The following SNX16 variants were observed in gnomAD, a reference collection of about 807,000 sequenced individuals.
SNX16 encodes the protein sorting nexin 16, also known as sorting nexin-16.
A neutral mutation model predicts 36.7 loss-of-function variants in SNX16; 35 were observed. The ratio of observed to expected loss-of-function variants is 0.95; its 90% CI spans 0.73 to 1.27. SNX16 has a LOEUF of 1.27. SNX16 is among the 50% of genes most tolerant of loss of function. SNX16 has a pLI of 0.00. For missense variants in SNX16, 367 were observed against 393.6 expected (o/e 0.93, Z 0.57); for synonymous variants, 134 against 132.0 (o/e 1.02, Z -0.10).
At chr8:81,807,823 A>T (rs1387690056) in intron 5 of SNX16, 1 of 756,220 alleles carries the variant, frequency 1.3e-6, no homozygotes, top group African/African-American at 1.7e-5. Flanking sequence ...GAAGCTTTTC[A>T]CTGGAAGGTT....
rs1811672214 is a variant in SNX16 at position 81,840,026 on chromosome 8, T to C, written c.-40A>G. The C allele has an allele frequency of 2.0e-6, 3 of 1,534,750 alleles. No individual in the cohort carries two copies. In the South Asian group the frequency reaches 3.9e-5, roughly 20 times the overall value. ...TCCAACAAGCTTGCACACTGTTGAG[T>C]CCACTTAGAGAACAACTAATATGCA... On this transcript the variant is annotated 5_prime_UTR_variant, in exon 2 of 8. Coordinates refer to ENST00000345957, the MANE Select transcript of SNX16 (RefSeq NM_152836.3).
intron 2 of SNX16, among the ~76,000 whole-genome samples, chr8:81,831,250 C>T (rs1048578728): frequency 3.3e-5 from 5 of 152,112 alleles, no homozygotes; most frequent in Admixed American, 3.3e-4. Flanking sequence ...GCAACAAAAA[C>T]AAAACTTGAT....
chr8:81,830,724 G>A (rs59128379), intron 2 of SNX16, among the ~76,000 whole-genome samples: 90,749 of 151,736 alleles, frequency 0.6, 27,827 homozygotes, highest in East Asian at 0.98. Context: ...TATTCCTATC[G>A]AACTACCAAC....
At position 81,800,002 on chromosome 8, in the gene SNX16, TTTG is replaced by T. The variant is rs1809612675; in HGVS notation, c.*1492_*1494del. On this transcript the variant is annotated 3_prime_UTR_variant, in exon 8 of 8. Coordinates refer to ENST00000345957, the MANE Select transcript of SNX16 (RefSeq NM_152836.3). ...ATGTTCTGAGAACATACCTGTGCAC[TTTG>T]ACAGACTAAAAATTTTTGGTTATTT... is the stretch of plus-strand genomic sequence containing the variant. 1 of 57,366 alleles carries T rather than the reference TTTG, an allele frequency of 1.7e-5. No individual in the cohort carries two copies. Among genetic ancestry groups the T allele is most frequent in the African/African-American group, 1.4e-4 (1 of 7,332 alleles). The allele number at this position is 57,366 out of a possible 1,614,324, so 3.6% of individuals were successfully genotyped here.
intron 2 of SNX16, among the ~76,000 whole-genome samples, chr8:81,834,023 T>C (rs1219652874): frequency 6.6e-6 from 1 of 152,206 alleles, no homozygotes; most frequent in Non-Finnish European, 1.5e-5. Flanking sequence ...TAAAGTACTA[T>C]GAGTGTATTA....
chr8:81,833,625 G>A (rs1563454122), intron 2 of SNX16, among the ~76,000 whole-genome samples: 1 of 151,972 alleles, frequency 6.6e-6, no homozygotes, highest in Non-Finnish European at 1.5e-5. Context: ...TAATAATTAG[G>A]AATATCTACA....
At chr8:81,805,288 A>G (rs1809878963) in intron 5 of SNX16, among the ~76,000 whole-genome samples, 1 of 152,148 alleles carries the variant, frequency 6.6e-6, no homozygotes, top group South Asian at 2.1e-4. Flanking sequence ...AGCAAACAAG[A>G]TAATAGGAAC....
chr8:81,805,969 A>G (rs1809922187), intron 5 of SNX16, among the ~76,000 whole-genome samples: 1 of 152,180 alleles, frequency 6.6e-6, no homozygotes, highest in Non-Finnish European at 1.5e-5. Context: ...AAAATGGTCA[A>G]GTTCTAGAAA....
At position 81,800,853 on chromosome 8, in the gene SNX16, GAATCAGCTTTTAA is replaced by G. The variant is rs1809656057; in HGVS notation, c.*631_*643del. ...CTTATTAAAGTATTTTGATATTAAT[GAATCAGCTTTTAA>G]AATCAAGGCTATCTTATCACTTTAG... On this transcript the variant is annotated 3_prime_UTR_variant, in exon 8 of 8. Transcript: ENST00000345957. 1 of 152,156 alleles carries G rather than the reference GAATCAGCTTTTAA, an allele frequency of 6.6e-6. No individual in the cohort carries two copies. The highest frequency in any genetic ancestry group is 2.1e-4 in the South Asian group (1 of 4,836). 9.4% of individuals were successfully genotyped at this position (152,156 alleles called of 1,614,324 possible). A position where few individuals can be genotyped will look rare whatever the true frequency, so the allele number is the denominator to read the frequency against.
chr8:81,803,046 T>G, intron 6 of SNX16, 46 bp downstream of exon 6: 1 of 1,518,602 alleles, frequency 6.6e-7, no homozygotes, highest in Non-Finnish European at 8.8e-7. Flanking sequence ...CCCAGAGTAT[T>G]AAGGGTTGAA....
chr8:81,817,120 T>C (rs761029195), intron 4 of SNX16, among the ~76,000 whole-genome samples: 1 of 152,140 alleles, frequency 6.6e-6, no homozygotes, highest in African/African-American at 2.4e-5. Context: ...CCTGAGGAAA[T>C]AGCACTTAAG....
intron 4 of SNX16, among the ~76,000 whole-genome samples, chr8:81,817,139 C>T (rs79146611): frequency 0.021 from 3,150 of 152,226 alleles, 105 homozygotes; most frequent in African/African-American, 0.072. Flanking sequence ...AGACTGAAAG[C>T]AAACTGCTAA....
At position 81,803,178 on chromosome 8, in the gene SNX16, T is replaced by A; in HGVS notation, c.732A>T (p.Leu244=). The change falls in exon 6 of 8, where the codon CTA becomes CTT. Residue 244 remains leucine (L), a synonymous_variant. Transcript: ENST00000345957. ...ATTCCATCTCCTTTTGTTTTTCAAG[T>A]AGTTCTTTCTGTAAGCGGTAGTTTG... ...EETNYRLQKE[L]LEKQKEMESL... is the part of the protein sequence containing the mutation. The A allele has an allele frequency of 6.2e-7, 1 of 1,611,992 alleles. No individual in the cohort carries two copies. The highest frequency in any genetic ancestry group is 1.1e-5 in the South Asian group (1 of 90,828).
At chr8:81,821,962 G>A (rs903918742) in intron 4 of SNX16, among the ~76,000 whole-genome samples, 2 of 152,162 alleles carry the variant, frequency 1.3e-5, no homozygotes, top group African/African-American at 4.8e-5. Context: ...GATTCCAAGA[G>A]AGAACTGACC....
At chr8:81,803,327 A>G in intron 5 of SNX16, 99 bp from the exon 6 acceptor site, 1 of 1,187,158 alleles carries the variant, frequency 8.4e-7, no homozygotes, top group Non-Finnish European at 1.2e-6. Context: ...GAAGAGTCAA[A>G]GAACACAGAT....
Position 81,802,502 on chromosome 8 carries a change from A to C in SNX16, c.819-3T>G, listed in dbSNP as rs1445122290. 7 of 1,601,938 alleles carry C rather than the reference A, an allele frequency of 4.4e-6. No individual in the cohort carries two copies. In the Admixed American group the frequency reaches 1.0e-4, roughly 24 times the overall value. On this transcript the variant is annotated splice_polypyrimidine_tract_variant and splice_region_variant and intron_variant, in intron 6 of 7. Coordinates refer to ENST00000345957, the MANE Select transcript of SNX16 (RefSeq NM_152836.3). ...CTTCAGGTTCTAAAGACAATGTTCT[A>C]AAAGTATGTTATAGCAACAAGTTAT...
chr8:81,821,962 G>C (rs903918742), intron 4 of SNX16, among the ~76,000 whole-genome samples: 1 of 152,162 alleles, frequency 6.6e-6, no homozygotes, highest in South Asian at 2.1e-4. Context: ...GATTCCAAGA[G>C]AGAACTGACC....
chr8:81,833,407 T>A (rs55737721), intron 2 of SNX16, among the ~76,000 whole-genome samples: 37,245 of 151,364 alleles, frequency 0.25, 5,070 homozygotes, highest in East Asian at 0.37. Flanking sequence ...TTTAAAAAAA[T>A]AAAGCAATTT....
At chr8:81,808,768 G>C in intron 5 of SNX16, 2 of 1,032,034 alleles carry the variant, frequency 1.9e-6, no homozygotes, top group South Asian at 2.6e-5. Context: ...AGGAGAGCCA[G>C]AGAAGTAACA....
Sources: gnomAD v4.1 joint callset for allele counts (sites outside exome capture counted in the v4.1 genomes callset) on GRCh38, gnomAD v4.1.1 for gene constraint, MANE v1.5 for transcripts, NCBI Gene and HGNC (gene_info 2026-07-23, HGNC 2026-07-21) for gene names.